Variants in UNC5D observed in about 807,000 individuals in gnomAD.
UNC5D encodes the protein unc-5 netrin receptor D.
UNC5D carries 39 observed loss-of-function variants against 105.4 expected under a neutral mutation model. That is an observed-to-expected ratio of 0.37 (90% confidence interval 0.29 to 0.48). UNC5D has a LOEUF of 0.48. Ranked by LOEUF, UNC5D falls within the 20% of genes least tolerant of loss-of-function variation. UNC5D has a pLI of 0.98. For missense variants in UNC5D, 991 were observed against 1,202.4 expected, an observed-to-expected ratio of 0.82 and a Z score of 2.60; for synonymous variants, 452 against 450.4, an observed-to-expected ratio of 1.00 and a Z score of -0.04.
intron 1 of UNC5D, among the ~76,000 whole-genome samples, chr8:35,324,943 G>T (rs188337342): frequency 2.3e-4 from 35 of 152,278 alleles, no homozygotes; most frequent in African/African-American, 7.9e-4. Flanking sequence ...ACATTGGTGT[G>T]TGCCAGGAAT....
chr8:35,729,970 TAGA>T (rs1563714204), intron 10 of UNC5D, among the ~76,000 whole-genome samples: 1 of 152,184 alleles, frequency 6.6e-6, no homozygotes, highest in Non-Finnish European at 1.5e-5. Context: ...AACAGGCACA[TAGA>T]AGGAGATCAG....
intron 1 of UNC5D, among the ~76,000 whole-genome samples, chr8:35,319,817 G>C (rs1240616292): frequency 1.3e-5 from 2 of 150,186 alleles, no homozygotes; most frequent in African/African-American, 4.9e-5. Context: ...AAAAAAAAAA[G>C]CAAGCTTTTA....
In UNC5D at chr8:35,511,476, A is replaced by G. The variant is rs918468568; in HGVS notation, c.104-37816A>G. ...TAGAGAGTTCCCACCTCTAAGATTA[A>G]AAAAAAAAAAAAAAAAAAAGGTCTT... is the stretch of plus-strand genomic sequence containing the variant. On this transcript the variant is annotated intron_variant, in intron 1 of 16. Coordinates refer to ENST00000404895, the MANE Select transcript of UNC5D (RefSeq NM_080872.4). 4.0e-4 allele frequency among the ~76,000 whole-genome samples: 38 copies of G among 95,292 alleles called. No individual in the cohort carries two copies. The South Asian group carries it at 5.4e-3, about 14-fold the overall frequency. The allele number at this position is 95,292 out of a possible 152,430, so 62.5% of individuals were successfully genotyped here.
chr8:35,244,521 G>A (rs1802974310), intron 1 of UNC5D, among the ~76,000 whole-genome samples: 1 of 152,098 alleles, frequency 6.6e-6, no homozygotes, highest in South Asian at 2.1e-4. Flanking sequence ...TGTGACAAAG[G>A]GCTGTCACAA....
intron 1 of UNC5D, among the ~76,000 whole-genome samples, chr8:35,523,083 T>A (rs1323299086): frequency 6.8e-6 from 1 of 146,450 alleles, no homozygotes; most frequent in Non-Finnish European, 1.5e-5. Flanking sequence ...GCCATTGTAT[T>A]AGTTTTTTTT....
At chr8:35,258,500 T>G (rs550256176) in intron 1 of UNC5D, among the ~76,000 whole-genome samples, 23 of 152,294 alleles carry the variant, frequency 1.5e-4, no homozygotes, top group African/African-American at 4.3e-4. Flanking sequence ...AGGAAAATAA[T>G]TGAACCTTTC....
At chr8:35,488,472 T>G (rs1264068505) in intron 1 of UNC5D, among the ~76,000 whole-genome samples, 2 of 152,190 alleles carry the variant, frequency 1.3e-5, no homozygotes, top group South Asian at 4.1e-4. Context: ...AAGTGGAGAC[T>G]GTCTCCTTCT....
chr8:35,634,573 T>A (rs1485113753), intron 4 of UNC5D, among the ~76,000 whole-genome samples: 1 of 152,100 alleles, frequency 6.6e-6, no homozygotes. Flanking sequence ...AGAAGAAGCA[T>A]ACTGAATTTC....
intron 4 of UNC5D, among the ~76,000 whole-genome samples, chr8:35,668,122 G>T (rs951932274): frequency 6.6e-6 from 1 of 152,090 alleles, no homozygotes; most frequent in Non-Finnish European, 1.5e-5. Context: ...TATTTGCCAT[G>T]GCAACAAGTA....
chr8:35,667,018 T>C (rs1824468215), intron 4 of UNC5D, among the ~76,000 whole-genome samples: 1 of 152,280 alleles, frequency 6.6e-6, no homozygotes, highest in African/African-American at 2.4e-5. Flanking sequence ...TAGGAATAGA[T>C]TGGTTTCTAG....
chr8:35,374,900 C>A (rs1211066120), intron 1 of UNC5D, among the ~76,000 whole-genome samples: 1 of 152,150 alleles, frequency 6.6e-6, no homozygotes, highest in Non-Finnish European at 1.5e-5. Context: ...ATTAGCAGAT[C>A]AAATTTTCAC....
At chr8:35,263,294 CA>C (rs1804614323) in intron 1 of UNC5D, among the ~76,000 whole-genome samples, 2 of 152,210 alleles carry the variant, frequency 1.3e-5, no homozygotes. Context: ...TATCAAATTA[CA>C]ATTAATAAAT....
At chr8:35,762,464 G>A (rs1346720579) in intron 14 of UNC5D, among the ~76,000 whole-genome samples, 1 of 152,158 alleles carries the variant, frequency 6.6e-6, no homozygotes, top group Non-Finnish European at 1.5e-5. Flanking sequence ...AGCAGCCACT[G>A]ACCTTGGTTC....
At chr8:35,564,350 A>G (rs1276100193) in intron 2 of UNC5D, among the ~76,000 whole-genome samples, 1 of 152,080 alleles carries the variant, frequency 6.6e-6, no homozygotes, top group Admixed American at 6.6e-5. Flanking sequence ...ATTCTGCTTT[A>G]ATAGGTCTCC....
chr8:35,581,653 G>A (rs948494808), intron 3 of UNC5D, among the ~76,000 whole-genome samples: 1 of 151,862 alleles, frequency 6.6e-6, no homozygotes, highest in East Asian at 1.9e-4. Context: ...GAGATGATGG[G>A]TATCCCAGTA....
intron 4 of UNC5D, among the ~76,000 whole-genome samples, chr8:35,669,306 T>G (rs1334412149): frequency 6.6e-6 from 1 of 151,482 alleles, no homozygotes; most frequent in African/African-American, 2.5e-5. Flanking sequence ...TTTCTCTTTC[T>G]TCATTTCAAT....
intron 1 of UNC5D, among the ~76,000 whole-genome samples, chr8:35,276,400 G>A (rs574822944): frequency 2.8e-4 from 43 of 152,238 alleles, no homozygotes; most frequent in South Asian, 1.0e-3. Context: ...ACTCAGATGC[G>A]TAGACAACGG....
chr8:35,500,375 C>T (rs1010558234), intron 1 of UNC5D, among the ~76,000 whole-genome samples: 4 of 152,130 alleles, frequency 2.6e-5, no homozygotes, highest in Admixed American at 2.6e-4. Flanking sequence ...GTGACACTAA[C>T]CCATTCATGA....
rs138886771 is a variant in UNC5D, at chr8:35,408,095, A to G, written c.104-141197A>G. On this transcript the variant is annotated intron_variant, in intron 1 of 16. Coordinates refer to ENST00000404895, the MANE Select transcript of UNC5D (RefSeq NM_080872.4). ...TTTAAAATTAGCTCTCTGTCAGAGG[A>G]ATGTTTGTGGTCATTCATATCAATT... Among the ~76,000 whole-genome samples the G allele has an allele frequency of 1.4e-4, 21 of 152,204 alleles. 1 individual carries two copies. The East Asian group carries it at 4.1e-3, about 29-fold the overall frequency.
Sources: gnomAD v4.1 joint callset for allele counts (sites outside exome capture counted in the v4.1 genomes callset) on GRCh38, gnomAD v4.1.1 for gene constraint, MANE v1.5 for transcripts, NCBI Gene and HGNC (gene_info 2026-07-23, HGNC 2026-07-21) for gene names.